ZNRF2: variants seen among roughly 807,000 people sequenced by gnomAD.
The protein encoded by ZNRF2 is E3 ubiquitin-protein ligase ZNRF2.
In ZNRF2, 16 loss-of-function variants were observed where a neutral mutation model predicts 20.4. The ratio of observed to expected loss-of-function variants is 0.79; its 90% CI spans 0.53 to 1.19. The LOEUF (loss-of-function observed/expected upper bound fraction) is 1.19. Among genes scored for constraint, ZNRF2 ranks in the 50% most tolerant of loss-of-function variants. The pLI, the probability that ZNRF2 is intolerant of heterozygous loss-of-function variation, is 0.00. For missense variants in ZNRF2, 363 were observed against 332.4 expected (o/e 1.09, Z -0.72); for synonymous variants, 178 against 144.9 (o/e 1.23, Z -1.64).
chr7:30,311,259 C>T (rs377249271), intron 1 of ZNRF2, among the ~76,000 whole-genome samples: 88 of 152,180 alleles, frequency 5.8e-4, no homozygotes, highest in African/African-American at 2.0e-3. Flanking sequence ...AATTTTACCC[C>T]GAGTGTAATT....
chr7:30,351,697 TA>T (rs1799963901), intron 2 of ZNRF2, among the ~76,000 whole-genome samples: 1 of 152,198 alleles, frequency 6.6e-6, no homozygotes, highest in African/African-American at 2.4e-5. Flanking sequence ...TAACTTCTGG[TA>T]AGTTACTTTA....
chr7:30,351,084 A>G (rs1562620545), intron 2 of ZNRF2, among the ~76,000 whole-genome samples: 1 of 147,428 alleles, frequency 6.8e-6, no homozygotes, highest in African/African-American at 2.5e-5. Flanking sequence ...CTATATGGAT[A>G]TGTGCTTGGA....
intron 1 of ZNRF2, among the ~76,000 whole-genome samples, chr7:30,301,108 G>T (rs1327478997): frequency 6.6e-6 from 1 of 152,182 alleles, no homozygotes; most frequent in Non-Finnish European, 1.5e-5. Flanking sequence ...TTATCAAGTG[G>T]CCTGGATTGA....
chr7:30,322,906 C>T (rs137993032), intron 1 of ZNRF2, among the ~76,000 whole-genome samples: 50 of 152,266 alleles, frequency 3.3e-4, no homozygotes, highest in African/African-American at 1.1e-3. Context: ...CTGAATACAT[C>T]AAATAGTCCC....
intron 1 of ZNRF2, among the ~76,000 whole-genome samples, chr7:30,314,970 C>T (rs1274126751): frequency 6.6e-6 from 1 of 152,000 alleles, no homozygotes; most frequent in East Asian, 1.9e-4. Context: ...TCGCCTGCCA[C>T]CATGTCTGGC....
intron 2 of ZNRF2, among the ~76,000 whole-genome samples, chr7:30,349,715 T>A (rs1421863125): frequency 6.6e-6 from 1 of 152,284 alleles, no homozygotes; most frequent in South Asian, 2.1e-4. Flanking sequence ...GAAAATCAGA[T>A]AAAGATATTA....
intron 4 of ZNRF2, among the ~76,000 whole-genome samples, chr7:30,364,747 A>G (rs182695670): frequency 1.3e-5 from 2 of 152,344 alleles, no homozygotes; most frequent in Admixed American, 1.3e-4. Flanking sequence ...TAATACATCT[A>G]AATCCTTCAT....
At chr7:30,294,050 G>C (rs1384003232) in intron 1 of ZNRF2, among the ~76,000 whole-genome samples, 1 of 151,842 alleles carries the variant, frequency 6.6e-6, no homozygotes, top group Non-Finnish European at 1.5e-5. Flanking sequence ...ACAGGGTCTC[G>C]CTATATTGCC....
At chr7:30,314,893 T>C (rs1036525133) in intron 1 of ZNRF2, among the ~76,000 whole-genome samples, 4 of 151,958 alleles carry the variant, frequency 2.6e-5, no homozygotes, top group African/African-American at 9.7e-5. Context: ...CTTGGCTCAC[T>C]GCAAGCTCTG....
In ZNRF2 at chr7:30,285,586, G is replaced by T. The variant is rs1798764777; in HGVS notation, c.229G>T (p.Ala77Ser). 1 of 1,065,318 alleles carries T rather than the reference G, an allele frequency of 9.4e-7. No individual in the cohort carries two copies. The highest frequency in any genetic ancestry group is 1.1e-6 in the Non-Finnish European group (1 of 882,706). The allele number at this position is 1,065,318 out of a possible 1,614,324, so 66.0% of individuals were successfully genotyped here. ...AAAAAPAAPA[A>S]PRSRSLGGAV... is the part of the protein sequence containing the mutation. ...CGCGGCGGCCCCGGCAGCCCCGGCG[G>T]CCCCGCGCAGCCGCTCCCTCGGCGG... Residue 77 changes from alanine (A) to serine (S), a missense_variant, in exon 1 of 5, where the codon GCC becomes TCC. Physicochemically the swap from Ala to Ser is moderately conservative, Grantham distance 99 (BLOSUM62 1). Around this residue, in one of 2 missense-constraint regions of ZNRF2, gnomAD observed 302 missense variants for 231.5 expected, o/e 1.30. Transcript: ENST00000323037.
intron 2 of ZNRF2, among the ~76,000 whole-genome samples, chr7:30,326,613 T>C (rs1383101286): frequency 1.3e-5 from 2 of 152,220 alleles, no homozygotes; most frequent in Admixed American, 6.5e-5. Flanking sequence ...TGCATGTGTC[T>C]TATAACACAA....
chr7:30,361,003 T>C (rs1364317406), intron 3 of ZNRF2, among the ~76,000 whole-genome samples: 1 of 152,198 alleles, frequency 6.6e-6, no homozygotes, highest in Non-Finnish European at 1.5e-5. Flanking sequence ...CATATGTAGA[T>C]TGACAGACGT....
At position 30,285,453 on chromosome 7, in the gene ZNRF2, T is replaced by G; in HGVS notation, c.96T>G (p.Asn32Lys). 1 of 1,154,042 alleles carries G rather than the reference T, an allele frequency of 8.7e-7. No individual in the cohort carries two copies. The highest frequency in any genetic ancestry group is 3.8e-4 in the Middle Eastern group (1 of 2,620). The allele number at this position is 1,154,042 out of a possible 1,614,324, so 71.5% of individuals were successfully genotyped here. The change falls in exon 1 of 5, where the codon AAT becomes AAG. Residue 32 changes from asparagine (N) to lysine (K), a missense_variant. By Grantham distance (94) the Asn-to-Lys change is moderately conservative. This residue lies in a region of ZNRF2 where 302 missense variants were observed against 231.5 expected (regional missense o/e 1.30). Coordinates refer to ENST00000323037, the MANE Select transcript of ZNRF2 (RefSeq NM_147128.4). ...DLPSSSSGGA[N>K]GTAGGGGGAR... is the part of the protein sequence containing the mutation. The stretch of plus-strand genomic sequence containing the variant: ...CTTCCAGTAGCAGCGGAGGCGCCAA[T>G]GGGACCGCGGGCGGCGGCGGGGGCG...
chr7:30,356,615 A>G (rs1454432992), intron 3 of ZNRF2, among the ~76,000 whole-genome samples: 1 of 152,074 alleles, frequency 6.6e-6, no homozygotes, highest in Non-Finnish European at 1.5e-5. Flanking sequence ...AAGCTAAACT[A>G]GTATTAGACA....
chr7:30,288,240 T>G (rs1583561031), intron 1 of ZNRF2, among the ~76,000 whole-genome samples: 1 of 152,224 alleles, frequency 6.6e-6, no homozygotes, highest in Admixed American at 6.5e-5. Context: ...CAGTTACAAA[T>G]TGTATAAATG....
chr7:30,297,436 T>A (rs962940840), intron 1 of ZNRF2, among the ~76,000 whole-genome samples: 2 of 152,210 alleles, frequency 1.3e-5, no homozygotes. Context: ...AGAAAGAATA[T>A]GTGTAAGGTA....
intron 1 of ZNRF2, among the ~76,000 whole-genome samples, chr7:30,302,289 G>C (rs1449513886): frequency 6.6e-6 from 1 of 152,166 alleles, no homozygotes; most frequent in East Asian, 1.9e-4. Flanking sequence ...GCTTAAAATT[G>C]AGCATAGAGG....
At chr7:30,298,578 A>AT (rs1799056285) in intron 1 of ZNRF2, among the ~76,000 whole-genome samples, 1 of 152,242 alleles carries the variant, frequency 6.6e-6, no homozygotes, top group South Asian at 2.1e-4. Flanking sequence ...TGAGAAGAAG[A>AT]TTGAGAGTCT....
intron 3 of ZNRF2, among the ~76,000 whole-genome samples, chr7:30,361,994 C>T (rs1800133932): frequency 6.6e-6 from 1 of 151,922 alleles, no homozygotes; most frequent in Non-Finnish European, 1.5e-5. Context: ...AATTTAAAAG[C>T]CGTTTTTTAA....
Sources: gnomAD v4.1 joint callset for allele counts (sites outside exome capture counted in the v4.1 genomes callset) on GRCh38, gnomAD v4.1.1 for gene constraint, gnomAD v4.1.1 regional missense constraint, MANE v1.5 for transcripts, NCBI Gene and HGNC (gene_info 2026-07-23, HGNC 2026-07-21) for gene names.